Variants in YES1 observed in about 807,000 individuals in gnomAD.
The protein encoded by YES1 is YES proto-oncogene 1, Src family tyrosine kinase.
In YES1, 39 loss-of-function variants were observed where a neutral mutation model predicts 70.4. That is an observed-to-expected ratio of 0.55 (90% CI 0.43 to 0.72). The LOEUF is 0.72. YES1 is among the 30% of genes least tolerant of loss of function. The pLI is 0.00. For synonymous variants in YES1, 198 were observed against 218.6 expected (o/e 0.91, Z 0.83); for missense variants, 495 against 644.8 (o/e 0.77, Z 2.52).
rs1016713905 is a variant in YES1, at chr18:727,543, C to G, written c.1424-2911G>C. Among the ~76,000 whole-genome samples the G allele has an allele frequency of 4.6e-5, 7 of 152,080 alleles. No individual in the cohort carries two copies. In the East Asian group the frequency reaches 7.7e-4, roughly 17 times the overall value. ...TCTCTTGCTTTTTAATTTGATTAAA[C>G]AAGCATTTTTCAATGTTCAATTTTT... is the stretch of plus-strand genomic sequence containing the variant. On this transcript the variant is annotated intron_variant, in intron 11 of 11. Coordinates refer to ENST00000314574, the MANE Select transcript of YES1 (RefSeq NM_005433.4).
chr18:785,356 A>AAT (rs1905881299), intron 1 of YES1, among the ~76,000 whole-genome samples: 2 of 152,222 alleles, frequency 1.3e-5, no homozygotes, highest in Non-Finnish European at 2.9e-5. Flanking sequence ...GAAACAAGTC[A>AAT]ATAAGAGATA....
intron 1 of YES1, among the ~76,000 whole-genome samples, chr18:792,054 C>T (rs1431828741): frequency 6.6e-6 from 1 of 152,096 alleles, no homozygotes; most frequent in Non-Finnish European, 1.5e-5. Context: ...CTGTTCTATG[C>T]TTTTCTACTA....
chr18:734,312 T>A (rs570442547), intron 10 of YES1, among the ~76,000 whole-genome samples: 1 of 150,928 alleles, frequency 6.6e-6, no homozygotes, highest in African/African-American at 2.4e-5. Context: ...CCCAGCACTT[T>A]GGGAGGCCGA....
Position 803,329 on chromosome 18 carries a change from A to G in YES1, c.-9+8785T>C, listed in dbSNP as rs115215517. ...TCAAGTCAAATGTGATAATGCATAT[A>G]AAAGTATGGCATAGCACCTATCATA... On this transcript the variant is annotated intron_variant, in intron 1 of 11. Transcript: ENST00000314574. Among the ~76,000 whole-genome samples, 390 of 152,312 alleles carry G rather than the reference A, an allele frequency of 2.6e-3. 1 individual carries two copies. The highest frequency in any genetic ancestry group is 8.9e-3 in the African/African-American group (370 of 41,566).
At chr18:757,360 G>A (rs575703329) in intron 1 of YES1, among the ~76,000 whole-genome samples, 82 of 152,108 alleles carry the variant, frequency 5.4e-4, no homozygotes, top group African/African-American at 1.6e-3. Context: ...AAAATTAGCC[G>A]GGCGTGGTGG....
intron 1 of YES1, among the ~76,000 whole-genome samples, chr18:763,689 G>A (rs1568203607): frequency 7.2e-6 from 1 of 139,140 alleles, no homozygotes; most frequent in Non-Finnish European, 1.5e-5. Flanking sequence ...GGATGACAGA[G>A]GAGATCCTGT....
intron 1 of YES1, chr18:798,112 G>A (rs1048151216): frequency 2.0e-5 from 3 of 152,092 alleles, no homozygotes; most frequent in African/African-American, 7.2e-5. Context: ...CATGATCATG[G>A]TATCTCCCCA....
At chr18:756,403 A>G (rs2080406593) in intron 2 of YES1, among the ~76,000 whole-genome samples, 154 bp downstream of exon 2, 2 of 152,228 alleles carry the variant, frequency 1.3e-5, no homozygotes, top group South Asian at 2.1e-4. Flanking sequence ...GTATACAATA[A>G]AACTAATTTT....
chr18:797,834 G>A (rs1181221618), intron 1 of YES1, among the ~76,000 whole-genome samples: 1 of 152,054 alleles, frequency 6.6e-6, no homozygotes, highest in Non-Finnish European at 1.5e-5. Flanking sequence ...GTAGGGCCCT[G>A]GAAGTATCAG....
chr18:804,432 A>AC (rs371309832), intron 1 of YES1, among the ~76,000 whole-genome samples: 180 of 151,756 alleles, frequency 1.2e-3, no homozygotes, highest in Non-Finnish European at 1.6e-3. Context: ...ACATGGTGAA[A>AC]CCCCCATCTC....
intron 3 of YES1, among the ~76,000 whole-genome samples, chr18:749,232 G>C (rs994764714): frequency 6.6e-6 from 1 of 152,024 alleles, no homozygotes; most frequent in Admixed American, 6.6e-5. Flanking sequence ...GGTGGCTTAC[G>C]CCTGCAATCC....
chr18:723,054 T>G lies in YES1; in HGVS notation c.*1370A>C, dbSNP rs181660148. 1 of 152,126 alleles carries G rather than the reference T, an allele frequency of 6.6e-6. No homozygotes were observed. Among genetic ancestry groups the G allele is most frequent in the Non-Finnish European group, 1.5e-5 (1 of 68,022 alleles). The allele number at this position is 152,126 out of a possible 1,614,324, so 9.4% of individuals were successfully genotyped here. A position where few individuals can be genotyped will look rare whatever the true frequency, so the allele number is the denominator to read the frequency against. On this transcript the variant is annotated 3_prime_UTR_variant, in exon 12 of 12. Coordinates refer to ENST00000314574, the MANE Select transcript of YES1 (RefSeq NM_005433.4). ...TTGCAGTGAGCCGAGATCGCGCCAC[T>G]GCACTCCAGCCTGGGCGACAGAGCG...
chr18:766,097 G>C (rs1292261493), intron 1 of YES1, among the ~76,000 whole-genome samples: 1 of 152,090 alleles, frequency 6.6e-6, no homozygotes, highest in Non-Finnish European at 1.5e-5. Context: ...CCTCTTCTTT[G>C]ATAAAAAGAA....
At chr18:768,837 G>A (rs572341051) in intron 1 of YES1, among the ~76,000 whole-genome samples, 103 of 152,068 alleles carry the variant, frequency 6.8e-4, no homozygotes, top group South Asian at 1.2e-3. Flanking sequence ...CGAGTAGCTC[G>A]GATTACAGGC....
chr18:760,995 A>G (rs773912419), intron 1 of YES1, among the ~76,000 whole-genome samples: 5 of 152,200 alleles, frequency 3.3e-5, no homozygotes, highest in Non-Finnish European at 7.3e-5. Context: ...ACAATTCACA[A>G]CACAGGAAAG....
At chr18:727,725 A>C (rs1271261487) in intron 11 of YES1, among the ~76,000 whole-genome samples, 1 of 151,932 alleles carries the variant, frequency 6.6e-6, no homozygotes, top group African/African-American at 2.4e-5. Flanking sequence ...GACCCCCTCT[A>C]CCCTTTGTGT....
chr18:812,009 G>A (rs1368331742), intron 1 of YES1, 105 bp downstream of exon 1: 4 of 143,074 alleles, frequency 2.8e-5, no homozygotes, highest in Non-Finnish European at 3.9e-5. Context: ...CCGCGGGGGC[G>A]GGGAACCGCG....
chr18:783,313 A>G (rs989186563), intron 1 of YES1, among the ~76,000 whole-genome samples: 1 of 152,192 alleles, frequency 6.6e-6, no homozygotes, highest in African/African-American at 2.4e-5. Flanking sequence ...TTAAAAACTC[A>G]AACTAGTACA....
At chr18:768,718 T>G (rs1398643591) in intron 1 of YES1, among the ~76,000 whole-genome samples, 1 of 152,084 alleles carries the variant, frequency 6.6e-6, no homozygotes, top group Non-Finnish European at 1.5e-5. Flanking sequence ...TTTATTTATT[T>G]TTGAGACAGG....
Sources: allele counts gnomAD v4.1 joint callset (sites outside exome capture counted in the v4.1 genomes callset), GRCh38; gene constraint gnomAD v4.1.1; transcripts MANE v1.5; gene names NCBI Gene and HGNC (gene_info 2026-07-23, HGNC 2026-07-21).